The following STEEP1 variants were observed in gnomAD, a reference collection of about 807,000 sequenced individuals.
The protein encoded by STEEP1 is STING ER exit protein.
In STEEP1, 3 loss-of-function variants were observed where a neutral mutation model predicts 19.2. That is an observed-to-expected ratio of 0.16 (90% CI 0.07 to 0.40). The LOEUF (loss-of-function observed/expected upper bound fraction) is 0.40. STEEP1 is among the 10% of genes least tolerant of loss of function. The pLI is 0.99. For synonymous variants in STEEP1, 46 were observed against 63.7 expected (o/e 0.72, Z 1.32); for missense variants, 54 against 177.1 (o/e 0.30, Z 3.94).
intron 1 of STEEP1, among the ~76,000 whole-genome samples, chrX:119,564,506 G>T (rs1177668917): frequency 4.0e-5 from 4 of 99,443 alleles, no homozygotes; most frequent in South Asian, 6.1e-4. Context: ...AAAAAAAAGG[G>T]GGGGGGGAAA....
chrX:119,563,096 T>C (rs1031709503), intron 1 of STEEP1, among the ~76,000 whole-genome samples: 1 of 112,134 alleles, frequency 8.9e-6, no homozygotes, highest in African/African-American at 3.2e-5. Flanking sequence ...AGGGTCTTGG[T>C]ATGGATGGAC....
chrX:119,544,296 A>C, intron 4 of STEEP1, 57 bp downstream of exon 4: 1 of 1,055,405 alleles, frequency 9.5e-7, no homozygotes, highest in Non-Finnish European at 1.3e-6. Flanking sequence ...ATCTTATTTC[A>C]AAACATGAGC....
intron 2 of STEEP1, among the ~76,000 whole-genome samples, chrX:119,551,982 C>G (rs1409924271): frequency 1.9e-5 from 2 of 107,654 alleles, no homozygotes; most frequent in Non-Finnish European, 3.8e-5. Flanking sequence ...CTCATTGCAA[C>G]CTCCGCCTCC....
At chrX:119,542,800 T>A (rs1197571643) in intron 4 of STEEP1, 40 of 309,881 alleles carry the variant, frequency 1.3e-4, no homozygotes, top group Admixed American at 1.8e-4. Flanking sequence ...TATTTTTTTT[T>A]AATTTACTTT....
chrX:119,544,117 A>G (rs2053183946), intron 4 of STEEP1, among the ~76,000 whole-genome samples: 1 of 111,644 alleles, frequency 9.0e-6, no homozygotes, highest in African/African-American at 3.3e-5. Flanking sequence ...CATGTACCCC[A>G]TAAATATGTG....
intron 5 of STEEP1, among the ~76,000 whole-genome samples, chrX:119,542,055 CTTTTT>C (rs201339708): frequency 2.5e-4 from 21 of 82,906 alleles, no homozygotes; most frequent in Admixed American, 4.1e-4. Flanking sequence ...CTTTTCTTTT[CTTTTT>C]TTTTTTTTTT....
intron 4 of STEEP1, 57 bp from the exon 5 acceptor site, chrX:119,542,651 CGTGAGT>C: frequency 5.7e-6 from 5 of 876,987 alleles, no homozygotes; most frequent in Non-Finnish European, 8.4e-6. Context: ...ATCCATGAGC[CGTGAGT>C]GTGTGCGCAC....
intron 2 of STEEP1, among the ~76,000 whole-genome samples, chrX:119,550,660 TTTC>T (rs1317830129): frequency 3.6e-5 from 4 of 111,637 alleles, no homozygotes; most frequent in Non-Finnish European, 7.5e-5. Flanking sequence ...TAGGCAAACA[TTTC>T]TTCTTTTATT....
At chrX:119,559,744 C>T (rs763358445) in intron 2 of STEEP1, among the ~76,000 whole-genome samples, 5 of 112,279 alleles carry the variant, frequency 4.5e-5, no homozygotes, top group African/African-American at 6.5e-5. Flanking sequence ...AAACAAACTA[C>T]GGCTATCAAA....
chrX:119,560,840 G>C (rs2053314799), intron 1 of STEEP1, among the ~76,000 whole-genome samples: 1 of 110,879 alleles, frequency 9.0e-6, no homozygotes, highest in Non-Finnish European at 1.9e-5. Flanking sequence ...AAGAAAAGGA[G>C]AGAGGCTGGG....
chrX:119,541,481 G>A (rs2053160937), intron 5 of STEEP1, 61 bp from the exon 6 acceptor site: 5 of 672,166 alleles, frequency 7.4e-6, no homozygotes, highest in East Asian at 3.3e-5. Flanking sequence ...CAACAAAGAC[G>A]TTAAGTCATA....
Position 119,545,448 on chromosome X carries a change from A to G in STEEP1, c.284+15T>C. On this transcript the variant is annotated intron_variant, in intron 3 of 6. Transcript: ENST00000644802. The stretch of plus-strand genomic sequence containing the variant: ...CTTGCCTATGCTTGGAGAAACCCAC[A>G]TTGTTAATACTTACTTTGCACATTT... The G allele has an allele frequency of 8.7e-7, 1 of 1,143,149 alleles. No individual in the cohort carries two copies. Among genetic ancestry groups the G allele is most frequent in the Non-Finnish European group, 1.2e-6 (1 of 834,718 alleles). 94.2% of individuals were successfully genotyped at this position (1,143,149 alleles called of 1,213,427 possible). A position where few individuals can be genotyped will look rare whatever the true frequency, so the allele number is the denominator to read the frequency against.
At chrX:119,555,896 A>T (rs2053275287) in intron 2 of STEEP1, among the ~76,000 whole-genome samples, 1 of 111,761 alleles carries the variant, frequency 8.9e-6, no homozygotes, top group Admixed American at 9.6e-5. Flanking sequence ...TGTCATCATA[A>T]GAAGAAGGAA....
In STEEP1 at chrX:119,542,045, CTTTTCTTTTCTTTTTTT is replaced by C. The variant is rs1404029942; in HGVS notation, c.513+443_513+459del. Among the ~76,000 whole-genome samples the C allele has an allele frequency of 8.8e-3, 520 of 59,161 alleles. 6 individuals are homozygous for C. The highest frequency in any genetic ancestry group is 0.035 in the African/African-American group (500 of 14,172). 51.4% of individuals were successfully genotyped at this position (59,161 alleles called of 115,157 possible). ...AGGAACTGGCTCACTGTCAGAGTTT[CTTTTCTTTTCTTTTTTT>C]TTTTTTTTTTTTTTTTTTTTTTTGA... is the stretch of plus-strand genomic sequence containing the variant. On this transcript the variant is annotated intron_variant, in intron 5 of 6. Transcript: ENST00000644802.
intron 2 of STEEP1, among the ~76,000 whole-genome samples, chrX:119,559,244 C>T (rs190511775): frequency 1.3e-4 from 14 of 110,390 alleles, no homozygotes; most frequent in African/African-American, 4.6e-4. Context: ...GATGGCTCTT[C>T]ATTGCCTACA....
Position 119,541,427 on chromosome X carries a change from G to GA in STEEP1, c.514-8dup. The stretch of plus-strand genomic sequence containing the variant: ...ATGAGTCAGCAACTTCCCTCTGAAG[G>GA]AAAAAAGGAGCATCCTTAAACCGGA... On this transcript the variant is annotated splice_region_variant and splice_polypyrimidine_tract_variant and intron_variant, in intron 5 of 6. Coordinates refer to ENST00000644802, the MANE Select transcript of STEEP1 (RefSeq NM_022101.4). 1 of 1,074,992 alleles carries GA rather than the reference G, an allele frequency of 9.3e-7. No homozygotes were observed. The highest frequency in any genetic ancestry group is 1.3e-6 in the Non-Finnish European group (1 of 774,222). The allele number at this position is 1,074,992 out of a possible 1,213,427, so 88.6% of individuals were successfully genotyped here. A position where few individuals can be genotyped will look rare whatever the true frequency, so the allele number is the denominator to read the frequency against.
chrX:119,545,378 A>G, intron 3 of STEEP1, 85 bp downstream of exon 3: 1 of 575,046 alleles, frequency 1.7e-6, no homozygotes. Context: ...GACATAATGG[A>G]GAGTTGTATC....
At chrX:119,560,163 T>C (rs2053311132) in intron 2 of STEEP1, 105 bp downstream of exon 2, 2 of 551,116 alleles carry the variant, frequency 3.6e-6, no homozygotes, top group Non-Finnish European at 6.2e-6. Context: ...TGTCAAAGTA[T>C]TGGGACCAAC....
intron 2 of STEEP1, among the ~76,000 whole-genome samples, chrX:119,555,719 G>C (rs2053274107): frequency 9.0e-6 from 1 of 110,755 alleles, no homozygotes; most frequent in Admixed American, 9.8e-5. Context: ...CAGTGCAGCA[G>C]GGCTGAACAG....
Sources: allele counts gnomAD v4.1 joint callset (sites outside exome capture counted in the v4.1 genomes callset), GRCh38; gene constraint gnomAD v4.1.1; transcripts MANE v1.5; gene names NCBI Gene and HGNC (gene_info 2026-07-23, HGNC 2026-07-21).